Variants in ARL8B observed in about 807,000 individuals in gnomAD.
ARL8B encodes the protein ADP-ribosylation factor-like protein 8B.
ARL8B carries 9 observed loss-of-function variants against 30.6 expected under a neutral mutation model. That is an observed-to-expected ratio of 0.29 (90% CI 0.18 to 0.51). ARL8B has a LOEUF of 0.51. Ranked by LOEUF, ARL8B falls within the 20% of genes least tolerant of loss-of-function variation. The pLI is 0.97. For missense variants in ARL8B, 130 were observed against 227.2 expected, an observed-to-expected ratio of 0.57 and a Z score of 2.75; for synonymous variants, 74 against 76.0, an observed-to-expected ratio of 0.97 and a Z score of 0.14.
chr3:5,158,058 C>T (rs548282967), intron 1 of ARL8B, among the ~76,000 whole-genome samples: 1 of 152,072 alleles, frequency 6.6e-6, no homozygotes, highest in Non-Finnish European at 1.5e-5. Context: ...TCACTGCAGC[C>T]TCCGCCTCCT....
chr3:5,150,953 G>A (rs1252413168), intron 1 of ARL8B, among the ~76,000 whole-genome samples: 1 of 152,036 alleles, frequency 6.6e-6, no homozygotes, highest in Non-Finnish European at 1.5e-5. Flanking sequence ...CAAGAAATAG[G>A]TTCATTTCAT....
Position 5,129,031 on chromosome 3 carries a change from A to T in ARL8B, c.123+6443A>T, listed in dbSNP as rs1370756514. On this transcript the variant is annotated intron_variant, in intron 1 of 6. Transcript: ENST00000256496. ...TGAGGGATTTTTCCTATGTTTTCCT[A>T]TTGTACTCAATTTGATCTGCACTTC... Among the ~76,000 whole-genome samples, 5 of 151,834 alleles carry T rather than the reference A, an allele frequency of 3.3e-5. No individual in the cohort carries two copies. The East Asian group carries it at 9.6e-4, about 29-fold the overall frequency.
Position 5,159,056 on chromosome 3 carries a change from C to T in ARL8B, c.124-11447C>T, listed in dbSNP as rs542500913. On this transcript the variant is annotated intron_variant, in intron 1 of 6. Coordinates refer to ENST00000256496, the MANE Select transcript of ARL8B (RefSeq NM_018184.3). The stretch of plus-strand genomic sequence containing the variant: ...GGAGGATCACTTGAGCGCAGGAGTT[C>T]GAGACCAGCCTGGGCAACATGGCAA... Among the ~76,000 whole-genome samples, 8 of 151,224 alleles carry T rather than the reference C, an allele frequency of 5.3e-5. No individual in the cohort carries two copies. In the East Asian group the frequency reaches 5.8e-4, roughly 11 times the overall value.
intron 2 of ARL8B, 124 bp downstream of exon 2, chr3:5,170,707 A>G (rs143953900): frequency 2.1e-5 from 13 of 633,734 alleles, no homozygotes; most frequent in South Asian, 1.5e-4. Flanking sequence ...GCATGTTTCA[A>G]AAGAATAGGT....
intron 1 of ARL8B, among the ~76,000 whole-genome samples, chr3:5,149,990 CT>C (rs761477733): frequency 6.6e-5 from 10 of 152,144 alleles, no homozygotes; most frequent in Non-Finnish European, 1.3e-4. Flanking sequence ...ATCCCTCTTG[CT>C]TGCTGTTAAG....
intron 6 of ARL8B, among the ~76,000 whole-genome samples, chr3:5,175,996 A>G (rs1020904170): frequency 1.3e-5 from 2 of 152,212 alleles, no homozygotes; most frequent in African/African-American, 4.8e-5. Context: ...TTTTAGGGGG[A>G]CATTAAACAT....
intron 1 of ARL8B, chr3:5,157,022 T>C (rs1370374758): frequency 6.6e-6 from 1 of 152,256 alleles, no homozygotes; most frequent in Non-Finnish European, 1.5e-5. Context: ...TTTGTTTAAA[T>C]CCTGTGGAGA....
rs113050159 is a variant in ARL8B, at chr3:5,130,192, A to AT, written c.123+7605dup. 4.0e-5 allele frequency among the ~76,000 whole-genome samples: 4 copies of AT among 100,656 alleles called. No individual in the cohort carries two copies. The Middle Eastern group carries it at 0.019, about 475-fold the overall frequency. 66.0% of individuals were successfully genotyped at this position (100,656 alleles called of 152,430 possible). A position where few individuals can be genotyped will look rare whatever the true frequency, so the allele number is the denominator to read the frequency against. On this transcript the variant is annotated intron_variant, in intron 1 of 6. Transcript: ENST00000256496. ...GTCATATTCTCTTAAAAAAAAATAT[A>AT]TATTTTTTTTTTGTAGAGACTTCAT...
intron 1 of ARL8B, among the ~76,000 whole-genome samples, chr3:5,165,612 A>T (rs1217276241): frequency 1.3e-5 from 2 of 152,104 alleles, no homozygotes; most frequent in Admixed American, 6.6e-5. Context: ...TCCATATTTC[A>T]TTCTGTCTTC....
At chr3:5,172,515 T>C (rs1474801680) in intron 3 of ARL8B, 132 bp from the exon 4 acceptor site, 1 of 692,478 alleles carries the variant, frequency 1.4e-6, no homozygotes, top group Non-Finnish European at 2.4e-6. Flanking sequence ...CTGAGCCTTT[T>C]CTTATGACAT....
At position 5,170,535 on chromosome 3, in the gene ARL8B, A is replaced by G; in HGVS notation, c.156A>G (p.Thr52=). 6.2e-7 allele frequency: 1 copy of G among 1,613,282 alleles called. No individual in the cohort carries two copies. The highest frequency in any genetic ancestry group is 8.5e-7 in the Non-Finnish European group (1 of 1,179,568). Residue 52 remains threonine, a synonymous_variant, in exon 2 of 7, where the codon ACA becomes ACG. Transcript: ENST00000256496. ...AATTCAGTGAAGATATGATACCCAC[A>G]GTGGGCTTCAACATGAGGAAGGTAA... ...SGQFSEDMIP[T]VGFNMRKVTK...
At chr3:5,136,661 G>C (rs1043848350) in intron 1 of ARL8B, among the ~76,000 whole-genome samples, 4 of 152,222 alleles carry the variant, frequency 2.6e-5, no homozygotes. Flanking sequence ...GATTTGGAAA[G>C]GGGATTTAAA....
Position 5,122,686 on chromosome 3 carries a change from G to C in ARL8B, c.123+98G>C. 3.7e-6 allele frequency: 5 copies of C among 1,354,712 alleles called. No homozygotes were observed. The South Asian group carries it at 5.9e-5, about 16-fold the overall frequency. 83.9% of individuals were successfully genotyped at this position (1,354,712 alleles called of 1,614,324 possible). ...AGTTGGGGCCCCCCTCGGCGCGATG[G>C]GACTGATGGCGGGGGGCGTGCGAAG... is the stretch of plus-strand genomic sequence containing the variant. On this transcript the variant is annotated intron_variant, in intron 1 of 6. Transcript: ENST00000256496.
chr3:5,155,958 A>C (rs2054529935), intron 1 of ARL8B, among the ~76,000 whole-genome samples: 1 of 151,486 alleles, frequency 6.6e-6, no homozygotes, highest in Non-Finnish European at 1.5e-5. Flanking sequence ...GCTGGAGTGC[A>C]GTGGCGCGAT....
chr3:5,163,298 ATAAG>A (rs2054597508), intron 1 of ARL8B, among the ~76,000 whole-genome samples: 1 of 152,124 alleles, frequency 6.6e-6, no homozygotes, highest in Admixed American at 6.6e-5. Flanking sequence ...GCTCCCACTT[ATAAG>A]TAAGAATATG....
At chr3:5,127,995 C>T (rs904827728) in intron 1 of ARL8B, among the ~76,000 whole-genome samples, 1 of 150,894 alleles carries the variant, frequency 6.6e-6, no homozygotes, top group Non-Finnish European at 1.5e-5. Context: ...TGAGACCAGC[C>T]TGACCAACAT....
chr3:5,172,304 G>A, intron 3 of ARL8B, 81 bp downstream of exon 3: 1 of 1,257,458 alleles, frequency 8.0e-7, no homozygotes, highest in Non-Finnish European at 1.1e-6. Flanking sequence ...ATTTCCAGAG[G>A]CTCAATTTTT....
At chr3:5,170,454 G>C (rs377122270) in intron 1 of ARL8B, 49 bp from the exon 2 acceptor site, 1 of 1,272,794 alleles carries the variant, frequency 7.9e-7, no homozygotes, top group Non-Finnish European at 1.1e-6. Flanking sequence ...AGTTTATGCA[G>C]TGTCATTATA....
chr3:5,125,741 C>T (rs1291796433), intron 1 of ARL8B, among the ~76,000 whole-genome samples: 2 of 152,170 alleles, frequency 1.3e-5, no homozygotes, highest in Admixed American at 6.5e-5. Flanking sequence ...CCATGTTGGG[C>T]AGGCTGTTCT....
Sources: allele counts gnomAD v4.1 joint callset (sites outside exome capture counted in the v4.1 genomes callset), GRCh38; gene constraint gnomAD v4.1.1; transcripts MANE v1.5; gene names NCBI Gene and HGNC (gene_info 2026-07-23, HGNC 2026-07-21).